TASP1: variants seen among roughly 807,000 people sequenced by gnomAD.
TASP1 encodes the protein threonine aspartase 1.
TASP1 carries 16 observed loss-of-function variants against 56.6 expected under a neutral mutation model. The observed-to-expected ratio is 0.28, with a 90% confidence interval of 0.19 to 0.43. TASP1 has a LOEUF of 0.43. Among genes scored for constraint, TASP1 ranks in the 20% least tolerant of loss-of-function variants. TASP1 has a pLI of 1.00. For missense variants in TASP1, 393 were observed against 511.6 expected (o/e 0.77, Z 2.24); for synonymous variants, 179 against 184.2 (o/e 0.97, Z 0.23).
the TASP1 span, among the ~76,000 whole-genome samples, chr20:13,359,463 C>T: frequency 2.0e-5 from 3 of 151,726 alleles, no homozygotes; most frequent in Admixed American, 6.6e-5. Flanking sequence ...TCAGAAGCCC[C>T]CTAGACCATC....
At chr20:13,359,448 T>A in the TASP1 span, among the ~76,000 whole-genome samples, 1 of 151,806 alleles carries the variant, frequency 6.6e-6, no homozygotes, top group Non-Finnish European at 1.5e-5. Flanking sequence ...CACTGCCCGA[T>A]GGCCTCAGAA....
the TASP1 span, chr20:13,169,137 C>G: frequency 1.3e-5 from 2 of 151,656 alleles, no homozygotes; most frequent in Admixed American, 6.6e-5. Context: ...TTTAGGTTAC[C>G]CTGAAAAAAG....
rs147946763 is a variant in TASP1 at position 13,482,099 on chromosome 20, G to A, written c.985+1128C>T. 9.9e-3 allele frequency among the ~76,000 whole-genome samples: 1,513 copies of A among 152,208 alleles called. 23 individuals carry two copies. Among genetic ancestry groups the A allele is most frequent in the African/African-American group, 0.034 (1,403 of 41,540 alleles). ...CTGTTTTGATTTGATTTTTGTATATGGTGAGAGACAGGAGTCTAGTTTCAT... is the reference window on the plus strand; with the variant it reads ...CTGTTTTGATTTGATTTTTGTATATAGTGAGAGACAGGAGTCTAGTTTCAT... On this transcript the variant is annotated intron_variant, in intron 11 of 13. Coordinates refer to ENST00000337743, the MANE Select transcript of TASP1 (RefSeq NM_017714.3).
chr20:13,337,616 C>T, the TASP1 span, among the ~76,000 whole-genome samples: 1 of 152,194 alleles, frequency 6.6e-6, no homozygotes, highest in African/African-American at 2.4e-5. Flanking sequence ...ATGTGGCAGG[C>T]TTGGCGGTTC....
At chr20:13,120,890 T>C in the TASP1 span, among the ~76,000 whole-genome samples, 1 of 152,174 alleles carries the variant, frequency 6.6e-6, no homozygotes, top group Non-Finnish European at 1.5e-5. Context: ...CACTTTGGGT[T>C]TGGAGCCGCT....
At chr20:13,388,318 C>G (rs146411149), downstream of TASP1, among the ~76,000 whole-genome samples, 197 of 152,154 alleles carry the variant, frequency 1.3e-3, no homozygotes, top group African/African-American at 4.5e-3. Context: ...AAGGAAGGAA[C>G]TTATATTACC....
chr20:13,250,540 A>G, the TASP1 span, among the ~76,000 whole-genome samples: 2 of 152,286 alleles, frequency 1.3e-5, no homozygotes, highest in Non-Finnish European at 2.9e-5. Context: ...CTTGCTGCAC[A>G]TTGGAATCGC....
intron 12 of TASP1, among the ~76,000 whole-genome samples, chr20:13,425,167 T>C: frequency 6.6e-6 from 1 of 152,306 alleles, no homozygotes; most frequent in East Asian, 1.9e-4. Context: ...TCAGTTTTGG[T>C]GGAGCTCTGC....
chr20:13,476,640 C>A (rs553077100), intron 11 of TASP1, among the ~76,000 whole-genome samples: 1 of 152,068 alleles, frequency 6.6e-6, no homozygotes, highest in South Asian at 2.1e-4. Flanking sequence ...TCATAGTAAC[C>A]AGCAAAGTAT....
chr20:13,381,164 A>G, the TASP1 span, among the ~76,000 whole-genome samples: 1 of 152,282 alleles, frequency 6.6e-6, no homozygotes, highest in Non-Finnish European at 1.5e-5. Context: ...CTGCCCAAAC[A>G]GCCGCCCAGT....
the TASP1 span, among the ~76,000 whole-genome samples, chr20:13,191,967 T>C: frequency 1.3e-5 from 2 of 152,156 alleles, no homozygotes; most frequent in African/African-American, 4.8e-5. Context: ...GCCTCCAGAA[T>C]TGTGAGAAAT....
the TASP1 span, among the ~76,000 whole-genome samples, chr20:13,175,326 AG>A: frequency 1.3e-5 from 2 of 152,326 alleles, no homozygotes; most frequent in East Asian, 3.9e-4. Flanking sequence ...GAAAATCCCC[AG>A]GGATAAAATA....
intron 12 of TASP1, among the ~76,000 whole-genome samples, chr20:13,433,841 T>TAAAAAAAAAAAA (rs111973613): frequency 1.7e-5 from 2 of 116,156 alleles, no homozygotes; most frequent in African/African-American, 6.7e-5. Context: ...GTGTTTGTAT[T>TAAAAAAAAAAAA]AAAAAAAAAA....
At chr20:13,323,899 T>A in the TASP1 span, among the ~76,000 whole-genome samples, 1 of 152,212 alleles carries the variant, frequency 6.6e-6, no homozygotes, top group Non-Finnish European at 1.5e-5. Flanking sequence ...ACCAAAAAAA[T>A]TGTTAATAGC....
At chr20:13,498,331 TTGTGTGTGTGTGTGTG>T (rs60099056) in intron 10 of TASP1, among the ~76,000 whole-genome samples, 19 of 135,010 alleles carry the variant, frequency 1.4e-4, no homozygotes, top group East Asian at 4.4e-4. Context: ...TTCTTTTCTT[TTGTGTGTGTGTGTGTG>T]TGTGTGTGTG....
intron 10 of TASP1, among the ~76,000 whole-genome samples, chr20:13,490,155 G>A (rs1190774717): frequency 2.0e-5 from 3 of 152,128 alleles, no homozygotes; most frequent in African/African-American, 7.2e-5. Flanking sequence ...CATTTGATCT[G>A]AGAATATTTA....
chr20:13,531,787 C>G (rs190135004), intron 9 of TASP1, among the ~76,000 whole-genome samples: 1 of 152,184 alleles, frequency 6.6e-6, no homozygotes, highest in South Asian at 2.1e-4. Flanking sequence ...CCTTATCCCC[C>G]CCAACTGGCT....
chr20:13,195,856 G>A, the TASP1 span, among the ~76,000 whole-genome samples: 1 of 152,128 alleles, frequency 6.6e-6, no homozygotes, highest in Non-Finnish European at 1.5e-5. Flanking sequence ...CATTTTCTAT[G>A]CATAGTATAC....
intron 11 of TASP1, among the ~76,000 whole-genome samples, chr20:13,455,473 T>C (rs559179264): frequency 2.6e-5 from 4 of 152,090 alleles, no homozygotes; most frequent in African/African-American, 4.8e-5. Flanking sequence ...TGACATCAAT[T>C]CTACTAAAGT....
Sources: gnomAD v4.1 joint callset for allele counts (sites outside exome capture counted in the v4.1 genomes callset) on GRCh38, gnomAD v4.1.1 for gene constraint, MANE v1.5 for transcripts, NCBI Gene and HGNC (gene_info 2026-07-23, HGNC 2026-07-21) for gene names.